Variants in NDUFB10 observed in about 807,000 individuals in gnomAD.
The protein encoded by NDUFB10 is NADH dehydrogenase [ubiquinone] 1 beta subcomplex subunit 10.
A neutral mutation model predicts 19.0 loss-of-function variants in NDUFB10; 23 were observed. The ratio of observed to expected loss-of-function variants is 1.21; its 90% CI spans 0.87 to 1.71. The LOEUF (loss-of-function observed/expected upper bound fraction) is 1.71. Ranked by LOEUF, NDUFB10 falls within the 40% of genes most tolerant of loss-of-function variation. The pLI is 0.00. For synonymous variants in NDUFB10, 104 were observed against 81.8 expected (o/e 1.27, Z -1.46); for missense variants, 312 against 230.6 (o/e 1.35, Z -2.29).
intron 1 of NDUFB10, among the ~76,000 whole-genome samples, chr16:1,960,580 G>A (rs1163948907): frequency 3.9e-5 from 6 of 152,222 alleles, no homozygotes; most frequent in Non-Finnish European, 5.9e-5. Flanking sequence ...TCTTCCGTAA[G>A]AGGGTGAAGT....
In NDUFB10 at chr16:1,959,822, G is replaced by C. The variant is rs2083241752; in HGVS notation, c.130+68G>C. 2.5e-6 allele frequency: 4 copies of C among 1,593,160 alleles called. No homozygotes were observed. In the East Asian group the frequency reaches 9.1e-5, roughly 36 times the overall value. On this transcript the variant is annotated intron_variant, in intron 1 of 3. Coordinates refer to ENST00000268668, the MANE Select transcript of NDUFB10 (RefSeq NM_004548.3). ...ACCCCTGGATCCCACACCCTGCCTGGATCCTCCAATGCCTCCGGGGTCCCG... is the reference window on the plus strand; with the variant it reads ...ACCCCTGGATCCCACACCCTGCCTGCATCCTCCAATGCCTCCGGGGTCCCG...
chr16:1,961,345 C>T, intron 2 of NDUFB10, 54 bp downstream of exon 2: 1 of 1,607,692 alleles, frequency 6.2e-7, no homozygotes, highest in African/African-American at 1.3e-5. Flanking sequence ...TGCTGGGACA[C>T]TAGTCCCTGG....
chr16:1,961,305 G>A lies in NDUFB10; in HGVS notation c.269+14G>A. The stretch of plus-strand genomic sequence containing the variant: ...GAAGAGGGACTAGTACGTGAGCCAT[G>A]CTGGGAGTGTGGAGATCTGCACCGT... On this transcript the variant is annotated intron_variant, in intron 2 of 3. Transcript: ENST00000268668. 1.2e-6 allele frequency: 2 copies of A among 1,613,750 alleles called. No individual in the cohort carries two copies. Among genetic ancestry groups the A allele is most frequent in the Non-Finnish European group, 8.5e-7 (1 of 1,180,010 alleles).
Position 1,961,175 on chromosome 16 carries a change from A to G in NDUFB10, c.153A>G (p.Ala51=), listed in dbSNP as rs1475956303. The change falls in exon 2 of 4, where the codon GCA becomes GCG. Residue 51 remains alanine (A), a synonymous_variant. Coordinates refer to ENST00000268668, the MANE Select transcript of NDUFB10 (RefSeq NM_004548.3). ...CAGAATTTATAGAGCGGCAGCACGC[A>G]AAGAACAGGTATTACTACTACCACC... is the stretch of plus-strand genomic sequence containing the variant. ...LVREFIERQH[A]KNRYYYYHRQ... 1.2e-6 allele frequency: 2 copies of G among 1,614,120 alleles called. No individual in the cohort carries two copies. The highest frequency in any genetic ancestry group is 1.7e-6 in the Non-Finnish European group (2 of 1,180,012).
chr16:1,961,614 G>A lies in NDUFB10; in HGVS notation c.387G>A (p.Val129=). 6.2e-7 allele frequency: 1 copy of A among 1,613,652 alleles called. No individual in the cohort carries two copies. Among genetic ancestry groups the A allele is most frequent in the Non-Finnish European group, 8.5e-7 (1 of 1,179,976 alleles). The change falls in exon 3 of 4, where the codon GTG becomes GTA. Residue 129 remains valine, a synonymous_variant. Transcript: ENST00000268668. ...AGGAAGTGGAGCAGTTCACCCAGGT[G>A]GCCAAGGCCTACCAGGACCGCTGTG... ...CIKEVEQFTQ[V]AKAYQDRYQD... is the part of the protein sequence containing the mutation.
rs777832378 is a variant in NDUFB10, at chr16:1,959,575, T to C, written c.-50T>C. The C allele has an allele frequency of 1.3e-6, 2 of 1,560,192 alleles. No individual in the cohort carries two copies. The highest frequency in any genetic ancestry group is 1.7e-6 in the Non-Finnish European group (2 of 1,151,290). On this transcript the variant is annotated 5_prime_UTR_variant, in exon 1 of 4. Coordinates refer to ENST00000268668, the MANE Select transcript of NDUFB10 (RefSeq NM_004548.3). ...CTAGGCCGCGGGACCCGGACGGAGG[T>C]AGAGGCCAGGGCAGCGCGTCCGGGA...
chr16:1,961,432 G>A lies in NDUFB10; in HGVS notation c.270-65G>A, dbSNP rs1421290834. On this transcript the variant is annotated intron_variant, in intron 2 of 3. Coordinates refer to ENST00000268668, the MANE Select transcript of NDUFB10 (RefSeq NM_004548.3). ...GACCCCAGGGCTCTTGCTTTCAATT[G>A]TTCTCACAGGGTACAGGAAAAGGAT... The A allele has an allele frequency of 6.3e-6, 10 of 1,599,830 alleles. No individual in the cohort carries two copies. The Middle Eastern group carries it at 6.7e-4, about 106-fold the overall frequency.
rs200975991 is a variant in NDUFB10, at chr16:1,959,732, C to T, written c.108C>T (p.Asp36=). 4.5e-5 allele frequency: 73 copies of T among 1,613,198 alleles called. No individual in the cohort carries two copies. In the Middle Eastern group the frequency reaches 1.2e-3, roughly 25 times the overall value. The part of the protein sequence containing the change: ...YMMKAFDLIV[D]RPVTLVREFI... ...TGAAAGCGTTCGACCTCATCGTGGA[C>T]CGACCCGTGACCCTCGTGAGAGGTA... The change falls in exon 1 of 4, where the codon GAC becomes GAT. Residue 36 remains aspartate, a synonymous_variant. Transcript: ENST00000268668.
At chr16:1,961,124 C>T (rs202155834) in intron 1 of NDUFB10, 29 bp from the exon 2 acceptor site, 12 of 1,611,852 alleles carry the variant, frequency 7.4e-6, no homozygotes, top group African/African-American at 4.0e-5. Flanking sequence ...ACCGATGAGG[C>T]ATTTGAGTCT....
Position 1,959,601 on chromosome 16 carries a change from G to A in NDUFB10, c.-24G>A, listed in dbSNP as rs11862764. ...AGAGGCCAGGGCAGCGCGTCCGGGA[G>A]CGGAGTCCGCGCCCGCCGCCGCCAT... is the stretch of plus-strand genomic sequence containing the variant. On this transcript the variant is annotated 5_prime_UTR_variant, in exon 1 of 4. Transcript: ENST00000268668. The A allele has an allele frequency of 1.4e-5, 23 of 1,597,772 alleles. No individual in the cohort carries two copies. The highest frequency in any genetic ancestry group is 5.2e-5 in the Admixed American group (3 of 57,566).
chr16:1,961,515 T>C lies in NDUFB10; in HGVS notation c.288T>C (p.Ile96=). The C allele has an allele frequency of 6.2e-7, 1 of 1,613,968 alleles. No individual in the cohort carries two copies. The highest frequency in any genetic ancestry group is 8.5e-7 in the Non-Finnish European group (1 of 1,180,004). Residue 96 remains isoleucine, a synonymous_variant, in exon 3 of 4, where the codon ATT becomes ATC. Transcript: ENST00000268668. Reference sequence around the variant, plus strand: ...CCACCAGCAAAGTCGACCAAGAAATTATCAACATTATGCAGGATCGGCTCA... The same window carrying C: ...CCACCAGCAAAGTCGACCAAGAAATCATCAACATTATGCAGGATCGGCTCA... ...WKRDYKVDQE[I]INIMQDRLKA...
At chr16:1,960,082 G>A (rs887546132) in intron 1 of NDUFB10, among the ~76,000 whole-genome samples, 18 of 151,958 alleles carry the variant, frequency 1.2e-4, no homozygotes, top group African/African-American at 4.4e-4. Flanking sequence ...CCGCCGCCCC[G>A]GGCACCCCTC....
chr16:1,961,660 C>G (rs754319460), intron 3 of NDUFB10, 24 bp downstream of exon 3: 1 of 1,529,920 alleles, frequency 6.5e-7, no homozygotes, highest in Non-Finnish European at 8.8e-7. Context: ...CCACCCCCAA[C>G]CCCCCACCAT....
chr16:1,961,975 G>C lies in NDUFB10; in HGVS notation c.*69G>C. 2 of 1,484,188 alleles carry C rather than the reference G, an allele frequency of 1.3e-6. No individual in the cohort carries two copies. Among genetic ancestry groups the C allele is most frequent in the Non-Finnish European group, 9.2e-7 (1 of 1,089,496 alleles). 91.9% of individuals were successfully genotyped at this position (1,484,188 alleles called of 1,614,324 possible). ...GCTGAAATATAAAGCCCTGCAACCTGCCTGTGTGTCTGGTGTGATCTATTG... is the reference window on the plus strand; with the variant it reads ...GCTGAAATATAAAGCCCTGCAACCTCCCTGTGTGTCTGGTGTGATCTATTG... On this transcript the variant is annotated 3_prime_UTR_variant, in exon 4 of 4. Transcript: ENST00000268668.
At chr16:1,960,652 T>A (rs2083248022) in intron 1 of NDUFB10, among the ~76,000 whole-genome samples, 1 of 152,236 alleles carries the variant, frequency 6.6e-6, no homozygotes, top group South Asian at 2.1e-4. Context: ...TCCCTCTCTT[T>A]TGTAGCAGTT....
rs1473087813 is a variant in NDUFB10 at position 1,961,745 on chromosome 16, T to G, written c.410-52T>G. The G allele has an allele frequency of 4.1e-6, 6 of 1,465,296 alleles. No individual in the cohort carries two copies. The African/African-American group carries it at 8.9e-5, about 22-fold the overall frequency. The allele number at this position is 1,465,296 out of a possible 1,614,324, so 90.8% of individuals were successfully genotyped here. A position where few individuals can be genotyped will look rare whatever the true frequency, so the allele number is the denominator to read the frequency against. The stretch of plus-strand genomic sequence containing the variant: ...CTTGTGCTCACTTGACTTTGCCCCC[T>G]TTGCATGTAGCAGAGGCCTCGGTTC... On this transcript the variant is annotated intron_variant, in intron 3 of 3. Coordinates refer to ENST00000268668, the MANE Select transcript of NDUFB10 (RefSeq NM_004548.3).
rs774674285 is a variant in NDUFB10 at position 1,961,534 on chromosome 16, C to T, written c.307C>T (p.Arg103Trp). 28 of 1,614,052 alleles carry T rather than the reference C, an allele frequency of 1.7e-5. No homozygotes were observed. Among genetic ancestry groups the T allele is most frequent in the Admixed American group, 5.0e-5 (3 of 60,022 alleles). Residue 103 changes from arginine (R) to tryptophan (W), a missense_variant, in exon 3 of 4, where the codon CGG (arginine) becomes TGG (tryptophan). Arg to Trp is a moderately radical substitution (Grantham distance 101). Transcript: ENST00000268668. ...AGAAATTATCAACATTATGCAGGAT[C>T]GGCTCAAAGCCTGTCAGCAGAGGGA... is the stretch of plus-strand genomic sequence containing the variant. Reference protein sequence around the residue: ...DQEIINIMQDRLKACQQREGQ... With the variant: ...DQEIINIMQDWLKACQQREGQ...
At chr16:1,960,623 G>A (rs1326932618) in intron 1 of NDUFB10, among the ~76,000 whole-genome samples, 1 of 152,248 alleles carries the variant, frequency 6.6e-6, no homozygotes, top group Non-Finnish European at 1.5e-5. Context: ...TCTGGAAACC[G>A]TGCAACAGCG....
intron 2 of NDUFB10, 53 bp downstream of exon 2, chr16:1,961,344 A>G (rs2083253339): frequency 1.9e-6 from 3 of 1,608,622 alleles, no homozygotes; most frequent in South Asian, 1.1e-5. Context: ...CTGCTGGGAC[A>G]CTAGTCCCTG....
Sources: gnomAD v4.1 joint callset for allele counts (sites outside exome capture counted in the v4.1 genomes callset) on GRCh38, gnomAD v4.1.1 for gene constraint, MANE v1.5 for transcripts, NCBI Gene and HGNC (gene_info 2026-07-23, HGNC 2026-07-21) for gene names.